The following SPAG16 variants were observed in gnomAD, a reference collection of about 807,000 sequenced individuals.
The protein encoded by SPAG16 is sperm-associated antigen 16 protein.
A neutral mutation model predicts 80.4 loss-of-function variants in SPAG16; 86 were observed. The ratio of observed to expected loss-of-function variants is 1.07; its 90% CI spans 0.90 to 1.28. The LOEUF is 1.28. Ranked by LOEUF, SPAG16 falls within the 50% of genes most tolerant of loss-of-function variation. The pLI is 0.00. For missense variants in SPAG16, 870 were observed against 765.3 expected (o/e 1.14, Z -1.61); for synonymous variants, 294 against 265.9 (o/e 1.11, Z -1.03).
chr2:213,679,897 A>T (rs190254755), intron 10 of SPAG16, among the ~76,000 whole-genome samples: 1 of 152,154 alleles, frequency 6.6e-6, no homozygotes, highest in Non-Finnish European at 1.5e-5. Flanking sequence ...GGGATTTAAT[A>T]ATCTATTCAC....
At chr2:213,314,468 T>C (rs10180396) in intron 4 of SPAG16, among the ~76,000 whole-genome samples, 32,864 of 151,810 alleles carry the variant, frequency 0.22, 4,407 homozygotes, top group Non-Finnish European at 0.31. Flanking sequence ...ATTCAGATTT[T>C]ATTGAGAAGT....
intron 10 of SPAG16, among the ~76,000 whole-genome samples, chr2:213,617,367 G>A (rs1284241681): frequency 6.6e-6 from 1 of 152,114 alleles, no homozygotes; most frequent in Admixed American, 6.5e-5. Context: ...GAGGCCAGGA[G>A]TTTGACACTT....
intron 11 of SPAG16, among the ~76,000 whole-genome samples, chr2:213,895,008 A>C (rs1011449957): frequency 0.044 from 6,037 of 138,440 alleles, 214 homozygotes; most frequent in Non-Finnish European, 0.071. Context: ...AAAAAAAAAA[A>C]AAAAAAAAAA....
At chr2:213,448,696 A>G (rs2071500230) in intron 9 of SPAG16, among the ~76,000 whole-genome samples, 1 of 152,216 alleles carries the variant, frequency 6.6e-6, no homozygotes. Flanking sequence ...TCATTTTAAT[A>G]TGGACATTTA....
intron 9 of SPAG16, among the ~76,000 whole-genome samples, chr2:213,392,024 A>C (rs1206123881): frequency 1.3e-5 from 2 of 152,160 alleles, no homozygotes; most frequent in African/African-American, 4.8e-5. Flanking sequence ...CTATATTTTG[A>C]TTTCTTTAAT....
At chr2:214,078,543 A>G (rs2051200522) in intron 13 of SPAG16, among the ~76,000 whole-genome samples, 1 of 152,008 alleles carries the variant, frequency 6.6e-6, no homozygotes, top group Admixed American at 6.6e-5. Context: ...CAAAAAAAAA[A>G]AAAAAAAAAA....
chr2:213,388,475 C>T (rs1024089999), intron 9 of SPAG16, among the ~76,000 whole-genome samples: 8 of 152,048 alleles, frequency 5.3e-5, no homozygotes, highest in African/African-American at 1.9e-4. Flanking sequence ...AGAAAGTGAC[C>T]ACACAAGCCT....
intron 12 of SPAG16, among the ~76,000 whole-genome samples, chr2:213,945,945 TA>T (rs1440102865): frequency 6.6e-6 from 1 of 152,214 alleles, no homozygotes; most frequent in African/African-American, 2.4e-5. Context: ...TTGTTTCTCT[TA>T]TAATCACTTT....
At chr2:213,988,677 A>T (rs1271285273) in intron 12 of SPAG16, among the ~76,000 whole-genome samples, 1 of 146,826 alleles carries the variant, frequency 6.8e-6, no homozygotes, top group African/African-American at 2.7e-5. Context: ...AGATTTTTTT[A>T]AATTAAAAAA....
At chr2:213,338,615 A>G (rs1446341923) in intron 5 of SPAG16, among the ~76,000 whole-genome samples, 2 of 152,238 alleles carry the variant, frequency 1.3e-5, no homozygotes, top group Non-Finnish European at 2.9e-5. Flanking sequence ...ATCAACCCAG[A>G]TGCCCATCAA....
At chr2:213,818,917 G>A (rs1319207933) in intron 10 of SPAG16, among the ~76,000 whole-genome samples, 5 of 152,060 alleles carry the variant, frequency 3.3e-5, no homozygotes, top group African/African-American at 1.2e-4. Flanking sequence ...AGCCTCCCCC[G>A]CCATGTGAAA....
At chr2:213,487,753 A>G (rs779532302) in intron 9 of SPAG16, among the ~76,000 whole-genome samples, 33 of 152,120 alleles carry the variant, frequency 2.2e-4, no homozygotes, top group Non-Finnish European at 2.5e-4. Context: ...TGCTGTGTTT[A>G]TGGTTTCAGA....
chr2:213,882,109 T>G (rs1489984600), intron 11 of SPAG16, among the ~76,000 whole-genome samples: 2 of 152,220 alleles, frequency 1.3e-5, no homozygotes, highest in Non-Finnish European at 2.9e-5. Flanking sequence ...TTATTTTAAT[T>G]CTGTTTATGT....
chr2:214,037,880 T>TGTGTGTGTGC (rs1351929333), intron 13 of SPAG16, among the ~76,000 whole-genome samples: 1 of 148,836 alleles, frequency 6.7e-6, no homozygotes, highest in East Asian at 1.9e-4. Flanking sequence ...TGTGTGTGTG[T>TGTGTGTGTGC]GTGTGTGTGT....
At chr2:214,187,775 G>A (rs1406013205) in intron 15 of SPAG16, among the ~76,000 whole-genome samples, 2 of 150,588 alleles carry the variant, frequency 1.3e-5, no homozygotes, top group Non-Finnish European at 2.9e-5. Flanking sequence ...ACTCCATATC[G>A]CTTAACCTTT....
At chr2:213,629,881 C>T (rs950633453) in intron 10 of SPAG16, among the ~76,000 whole-genome samples, 1 of 152,230 alleles carries the variant, frequency 6.6e-6, no homozygotes, top group Non-Finnish European at 1.5e-5. Flanking sequence ...CTCTCACTCT[C>T]AGTGCACAGG....
At chr2:213,594,116 A>C (rs1211778919) in intron 10 of SPAG16, among the ~76,000 whole-genome samples, 2 of 151,974 alleles carry the variant, frequency 1.3e-5, no homozygotes, top group Non-Finnish European at 2.9e-5. Context: ...TTTAGCTTTG[A>C]GTCACACATA....
intron 13 of SPAG16, among the ~76,000 whole-genome samples, chr2:214,020,489 G>A (rs990234015): frequency 6.6e-6 from 1 of 152,066 alleles, no homozygotes; most frequent in African/African-American, 2.4e-5. Context: ...TGACAGTTCA[G>A]TAAGAAAAGA....
chr2:213,804,491 G>T (rs1331832278), intron 10 of SPAG16, among the ~76,000 whole-genome samples: 1 of 152,132 alleles, frequency 6.6e-6, no homozygotes, highest in Non-Finnish European at 1.5e-5. Context: ...AGACCGTCCT[G>T]GCTAACACGG....
Sources: allele counts gnomAD v4.1 joint callset (sites outside exome capture counted in the v4.1 genomes callset), GRCh38; gene constraint gnomAD v4.1.1; transcripts MANE v1.5; gene names NCBI Gene and HGNC (gene_info 2026-07-23, HGNC 2026-07-21).